The following RBFOX2 variants were observed in gnomAD, a reference collection of about 807,000 sequenced individuals.
RBFOX2 encodes the protein RNA binding fox-1 homolog 2, also known as RNA binding protein fox-1 homolog 2.
RBFOX2 carries 10 observed loss-of-function variants against 49.1 expected under a neutral mutation model. That is an observed-to-expected ratio of 0.20 (90% CI 0.13 to 0.35). RBFOX2 has a LOEUF of 0.35. Ranked by LOEUF, RBFOX2 falls within the 10% of genes least tolerant of loss-of-function variation. The probability of loss-of-function intolerance (pLI) is 1.00; values close to 1 mark genes in which losing one functional copy is unlikely to be tolerated. For synonymous variants in RBFOX2, 183 were observed against 187.4 expected, an observed-to-expected ratio of 0.98 and a Z score of 0.19; for missense variants, 323 against 486.9, an observed-to-expected ratio of 0.66 and a Z score of 3.17.
chr22:36,006,473 T>G (rs1487421000), intron 1 of RBFOX2, among the ~76,000 whole-genome samples: 1 of 152,192 alleles, frequency 6.6e-6, no homozygotes, highest in East Asian at 1.9e-4. Context: ...CTTTTTTGCT[T>G]TCTCTTTTTT....
At chr22:35,928,441 C>T (rs28546638) in intron 1 of RBFOX2, among the ~76,000 whole-genome samples, 2,806 of 152,296 alleles carry the variant, frequency 0.018, 101 homozygotes, top group African/African-American at 0.064. Flanking sequence ...CCCAAACATG[C>T]TTGCCACCAA....
At chr22:35,851,172 T>C (rs558793891) in intron 1 of RBFOX2, among the ~76,000 whole-genome samples, 2 of 152,320 alleles carry the variant, frequency 1.3e-5, no homozygotes, top group African/African-American at 4.8e-5. Context: ...AGAGTCAAAA[T>C]GGCTATAGCA....
chr22:35,854,145 G>T (rs1202505434), intron 1 of RBFOX2, among the ~76,000 whole-genome samples: 1 of 152,110 alleles, frequency 6.6e-6, no homozygotes, highest in Admixed American at 6.5e-5. Flanking sequence ...CTGGGAGGCG[G>T]AGGTTGCAGT....
chr22:35,972,678 T>A (rs979239398), intron 1 of RBFOX2, among the ~76,000 whole-genome samples: 4 of 152,184 alleles, frequency 2.6e-5, no homozygotes, highest in Non-Finnish European at 5.9e-5. Context: ...GCCTCCGGTT[T>A]CACCTAGGAA....
chr22:36,004,680 C>T (rs1171191209), intron 1 of RBFOX2, among the ~76,000 whole-genome samples: 1 of 152,094 alleles, frequency 6.6e-6, no homozygotes, highest in Non-Finnish European at 1.5e-5. Flanking sequence ...CCTGTAATCC[C>T]AGCTACTTGG....
chr22:35,862,702 G>A (rs954406092), intron 1 of RBFOX2, among the ~76,000 whole-genome samples: 4 of 152,162 alleles, frequency 2.6e-5, no homozygotes, highest in Admixed American at 2.6e-4. Context: ...CCTCTGTTAA[G>A]CCAGGCTACT....
intron 4 of RBFOX2, among the ~76,000 whole-genome samples, chr22:35,776,204 T>G (rs1943880862): frequency 6.6e-6 from 1 of 152,128 alleles, no homozygotes; most frequent in African/African-American, 2.4e-5. Flanking sequence ...CTAAAAAAGA[T>G]CACATAAAAT....
chr22:35,859,464 G>C (rs951004946), intron 1 of RBFOX2, among the ~76,000 whole-genome samples: 1 of 152,192 alleles, frequency 6.6e-6, no homozygotes, highest in African/African-American at 2.4e-5. Context: ...TGAGAAAATT[G>C]TAAGGCTTTC....
At chr22:35,837,347 A>G (rs1236841247) in intron 1 of RBFOX2, among the ~76,000 whole-genome samples, 1 of 152,218 alleles carries the variant, frequency 6.6e-6, no homozygotes, top group Admixed American at 6.5e-5. Flanking sequence ...AACAGTGAAA[A>G]CACATCCATA....
At chr22:35,979,426 A>G (rs1228512527) in intron 1 of RBFOX2, among the ~76,000 whole-genome samples, 3 of 152,200 alleles carry the variant, frequency 2.0e-5, no homozygotes, top group Non-Finnish European at 4.4e-5. Flanking sequence ...TCTGCCAGTT[A>G]TATAGGAAAG....
At chr22:35,911,059 T>C (rs1472224163) in intron 1 of RBFOX2, among the ~76,000 whole-genome samples, 1 of 152,200 alleles carries the variant, frequency 6.6e-6, no homozygotes, top group Non-Finnish European at 1.5e-5. Flanking sequence ...AAACCCTATT[T>C]ATAGACCTAT....
intron 1 of RBFOX2, among the ~76,000 whole-genome samples, chr22:35,957,836 T>C (rs1215302536): frequency 1.3e-5 from 2 of 152,348 alleles, no homozygotes; most frequent in East Asian, 1.9e-4. Context: ...GACACAATTA[T>C]GTGAATACTC....
chr22:35,933,716 A>G (rs2149699134), intron 1 of RBFOX2, among the ~76,000 whole-genome samples: 1 of 152,032 alleles, frequency 6.6e-6, no homozygotes, highest in East Asian at 1.9e-4. Context: ...AACTTGTTAA[A>G]TTAACTAATG....
At chr22:35,812,275 A>G (rs1379995532) in intron 1 of RBFOX2, among the ~76,000 whole-genome samples, 2 of 142,142 alleles carry the variant, frequency 1.4e-5, no homozygotes, top group South Asian at 2.3e-4. Flanking sequence ...CAAAAGATAG[A>G]AAAAAAAAAA....
chr22:35,819,828 G>C (rs554320449), intron 1 of RBFOX2, among the ~76,000 whole-genome samples: 4 of 152,130 alleles, frequency 2.6e-5, no homozygotes, highest in African/African-American at 9.7e-5. Flanking sequence ...GGAGGGTATC[G>C]GGGTATTGGG....
chr22:35,792,775 A>G (rs1056830707), intron 2 of RBFOX2, among the ~76,000 whole-genome samples: 1 of 152,262 alleles, frequency 6.6e-6, no homozygotes, highest in African/African-American at 2.4e-5. Flanking sequence ...CCTTTTTAAA[A>G]AAATAAAAAC....
chr22:35,965,522 T>C (rs576708541), upstream of RBFOX2, among the ~76,000 whole-genome samples: 1 of 152,292 alleles, frequency 6.6e-6, no homozygotes, highest in Non-Finnish European at 1.5e-5. Context: ...AGACCCTCAA[T>C]GAAGAGGTTC....
chr22:35,761,390 G>C, intron 7 of RBFOX2, 25 bp downstream of exon 8: 1 of 1,613,460 alleles, frequency 6.2e-7, no homozygotes, highest in Non-Finnish European at 8.5e-7. Flanking sequence ...AATAGCACAA[G>C]TGGAAACATT....
At chr22:35,755,574 A>G (rs2146134492) in intron 9 of RBFOX2, among the ~76,000 whole-genome samples, 1 of 152,310 alleles carries the variant, frequency 6.6e-6, no homozygotes, top group Non-Finnish European at 1.5e-5. Context: ...TTTGGCTATC[A>G]CAAGGTCATG....
Sources: gnomAD v4.1 joint callset for allele counts (sites outside exome capture counted in the v4.1 genomes callset) on GRCh38, gnomAD v4.1.1 for gene constraint, MANE v1.5 for transcripts, NCBI Gene and HGNC (gene_info 2026-07-23, HGNC 2026-07-21) for gene names.